CPT1C: variants seen among roughly 807,000 people sequenced by gnomAD.
CPT1C encodes the protein palmitoyl thioesterase CPT1C.
Under a neutral mutation model 97.3 loss-of-function variants are expected in CPT1C, and 61 were observed. That is an observed-to-expected ratio of 0.63 (90% CI 0.51 to 0.78). The LOEUF (loss-of-function observed/expected upper bound fraction) is 0.78, where lower values mean the gene tolerates loss of function less well. CPT1C is among the 30% of genes least tolerant of loss of function. The pLI is 0.00. For synonymous variants in CPT1C, 469 were observed against 447.2 expected, an observed-to-expected ratio of 1.05 and a Z score of -0.61; for missense variants, 975 against 1,065.5, an observed-to-expected ratio of 0.92 and a Z score of 1.18.
chr19:49,705,317 C>T lies in CPT1C; in HGVS notation c.964+19C>T. On this transcript the variant is annotated intron_variant, in intron 10 of 19. Coordinates refer to ENST00000598293, the MANE Select transcript of CPT1C (RefSeq NM_001199753.2). ...CAAAAAGGTGAGACCCTCTCCTGTC[C>T]CCACTGATGGAGGCAGAACAATATA... 1 of 1,564,156 alleles carries T rather than the reference C, an allele frequency of 6.4e-7. No individual in the cohort carries two copies. Among genetic ancestry groups the T allele is most frequent in the Non-Finnish European group, 8.7e-7 (1 of 1,146,322 alleles).
chr19:49,712,713 A>G (rs2083983872), intron 17 of CPT1C, 23 bp from the exon 18 acceptor site: 4 of 1,567,936 alleles, frequency 2.6e-6, no homozygotes, highest in African/African-American at 1.4e-5. Flanking sequence ...TGTCCTGCAC[A>G]TGTGATGGGC....
intron 7 of CPT1C, 98 bp downstream of exon 7, chr19:49,701,732 C>A: frequency 3.7e-6 from 5 of 1,366,946 alleles, no homozygotes; most frequent in Non-Finnish European, 3.9e-6. Context: ...CCACGACACG[C>A]CCACAACCCA....
intron 4 of CPT1C, chr19:49,697,699 G>A: frequency 2.4e-6 from 1 of 424,316 alleles, no homozygotes; most frequent in Non-Finnish European, 4.2e-6. Flanking sequence ...ATCGCTTGAG[G>A]TCAGGAGTTC....
rs372366841 is a variant in CPT1C at position 49,700,840 on chromosome 19, C to T, written c.438C>T (p.Pro146=). Residue 146 remains proline (P), a synonymous_variant, in exon 5 of 20, where the codon CCC becomes CCT. Coordinates refer to ENST00000598293, the MANE Select transcript of CPT1C (RefSeq NM_001199753.2). ...AGCCCCACGGAGCCATGTCCTCCCC[C>T]ACCAAGACCTGGCTGGTATGGGAGG... The part of the protein sequence containing the change: ...LLEPHGAMSS[P]TKTWLALVRI... 1.9e-6 allele frequency: 3 copies of T among 1,612,682 alleles called. No homozygotes were observed. The highest frequency in any genetic ancestry group is 1.3e-5 in the African/African-American group (1 of 74,944).
chr19:49,700,727 C>T lies in CPT1C; in HGVS notation c.325C>T (p.Leu109=), dbSNP rs745313716. ...HGLRGVLAAA[L]FASCLWGALI... ...GCTCCGGGGGGTCCTGGCAGCCGCG[C>T]TGTTTGCCTCGTGTTTGTGGGGAGC... Residue 109 remains leucine, a synonymous_variant, in exon 5 of 20, where the codon CTG becomes TTG. Transcript: ENST00000598293. 1.9e-6 allele frequency: 3 copies of T among 1,612,212 alleles called. No individual in the cohort carries two copies. The highest frequency in any genetic ancestry group is 2.2e-5 in the South Asian group (2 of 91,084).
chr19:49,713,559 G>GC lies in CPT1C; in HGVS notation c.2368dup (p.Gln790ProfsTer36). On this transcript the variant is annotated frameshift_variant, in exon 20 of 20. Transcript: ENST00000598293. LOFTEE classifies it low-confidence loss of function (END_TRUNC). ...AGGCACAGGTGTGGATTTCTCTCCC[G>GC]CCAGACTGGGGCCTCCAAGGCCTCA... 1 of 1,613,872 alleles carries GC rather than the reference G, an allele frequency of 6.2e-7. No homozygotes were observed. The highest frequency in any genetic ancestry group is 8.5e-7 in the Non-Finnish European group (1 of 1,179,888).
At chr19:49,712,410 G>T (rs1568546441) in intron 17 of CPT1C, 1 of 386,838 alleles carries the variant, frequency 2.6e-6, no homozygotes. Context: ...AGTTGTGGGG[G>T]GGCGGCAAGG....
rs1193885627 is a variant in CPT1C, at chr19:49,704,605, A to G, written c.694-105A>G. 8 of 846,234 alleles carry G rather than the reference A, an allele frequency of 9.5e-6. No homozygotes were observed. The East Asian group carries it at 1.6e-4, about 17-fold the overall frequency. 52.4% of individuals were successfully genotyped at this position (846,234 alleles called of 1,614,324 possible). A position where few individuals can be genotyped will look rare whatever the true frequency, so the allele number is the denominator to read the frequency against. ...TACGATGGCTGACTTCTTTGGCTCT[A>G]TCCTCCCTGCCTGACGCAGGAGCAT... is the stretch of plus-strand genomic sequence containing the variant. On this transcript the variant is annotated intron_variant, in intron 7 of 19. Transcript: ENST00000598293.
chr19:49,711,626 G>A (rs2083893143), intron 16 of CPT1C, 183 bp from the exon 17 acceptor site: 1 of 652,220 alleles, frequency 1.5e-6, no homozygotes, highest in Non-Finnish European at 2.6e-6. Flanking sequence ...GCTCTCCCTG[G>A]CTGTGTGAAC....
Position 49,711,833 on chromosome 19 carries a change from C to T in CPT1C, c.1891C>T (p.Arg631Cys), listed in dbSNP as rs539827461. 47 of 1,613,420 alleles carry T rather than the reference C, an allele frequency of 2.9e-5. No homozygotes were observed. Among genetic ancestry groups the T allele is most frequent in the Non-Finnish European group, 3.4e-5 (40 of 1,179,950 alleles). ...KTDPQCLALF[R>C]VAVDKHQALL... ...GGACCCACAGTGCCTCGCCCTGTTC[C>T]GCGTGGCAGTGGACAAGCACCAGGC... The change falls in exon 17 of 20, where the codon CGC becomes TGC. Residue 631 changes from arginine to cysteine, a missense_variant. Transcript: ENST00000598293.
chr19:49,699,420 T>TGGAGACC (rs2082861705), intron 4 of CPT1C, among the ~76,000 whole-genome samples: 3 of 121,800 alleles, frequency 2.5e-5, no homozygotes, highest in African/African-American at 3.3e-5. Context: ...GCTCAGGAGT[T>TGGAGACC]GGAGACCAGC....
chr19:49,705,087 C>T lies in CPT1C; in HGVS notation c.852C>T (p.His284=), dbSNP rs768326297. The change falls in exon 9 of 20, where the codon CAC becomes CAT. Residue 284 remains histidine (H), a synonymous_variant. Coordinates refer to ENST00000598293, the MANE Select transcript of CPT1C (RefSeq NM_001199753.2). Reference sequence around the variant, plus strand: ...TCCATGCCCTCCTCCTGTACCGCCACCGCCTGAACCGCCAGGAGATACCCC... The same window carrying T: ...TCCATGCCCTCCTCCTGTACCGCCATCGCCTGAACCGCCAGGAGATACCCC... ...NAVHALLLYR[H]RLNRQEIPPT... 19 of 1,614,034 alleles carry T rather than the reference C, an allele frequency of 1.2e-5. No individual in the cohort carries two copies. The South Asian group carries it at 2.1e-4, about 18-fold the overall frequency.
In CPT1C at chr19:49,706,331, C is replaced by T; in HGVS notation, c.1261C>T (p.Pro421Ser). 2.6e-6 allele frequency: 4 copies of T among 1,525,546 alleles called. No homozygotes were observed. Among genetic ancestry groups the T allele is most frequent in the Non-Finnish European group, 3.5e-6 (4 of 1,141,138 alleles). The allele number at this position is 1,525,546 out of a possible 1,614,324, so 94.5% of individuals were successfully genotyped here. A position where few individuals can be genotyped will look rare whatever the true frequency, so the allele number is the denominator to read the frequency against. ...AAFFVSLDAE[P>S]AGLTREDPAA... ...TTTCTTTGTGTCACTGGATGCTGAG[C>T]CCGCGGGGCTCACCAGGGAGGACCC... is the stretch of plus-strand genomic sequence containing the variant. The change falls in exon 12 of 20, where the codon CCC (proline) becomes TCC (serine). Residue 421 changes from proline to serine, a missense_variant. Pro to Ser is a moderately conservative substitution (Grantham distance 74). Coordinates refer to ENST00000598293, the MANE Select transcript of CPT1C (RefSeq NM_001199753.2). This position sits in a 1 kb window ranked among gnomAD's most constrained non-coding sequence, Gnocchi z 4.8.
intron 7 of CPT1C, among the ~76,000 whole-genome samples, chr19:49,703,063 T>G (rs1315983329): frequency 1.7e-4 from 19 of 113,634 alleles, no homozygotes; most frequent in Non-Finnish European, 1.9e-5. Flanking sequence ...TTGGACAAGA[T>G]TCTGTTTACA....
At position 49,711,913 on chromosome 19, in the gene CPT1C, G is replaced by A. The variant is rs775780088; in HGVS notation, c.1971G>A (p.Leu657=). 1 of 1,614,204 alleles carries A rather than the reference G, an allele frequency of 6.2e-7. No homozygotes were observed. Among genetic ancestry groups the A allele is most frequent in the South Asian group, 1.1e-5 (1 of 91,088 alleles). ...GQGVDRHLFA[L]YIVSRFLHLQ... The stretch of plus-strand genomic sequence containing the variant: ...GAGTTGACCGCCACCTGTTTGCGCT[G>A]TACATCGTGTCCCGATTCCTCCACC... The change falls in exon 17 of 20, where the codon CTG becomes CTA. Residue 657 remains leucine, a synonymous_variant. Coordinates refer to ENST00000598293, the MANE Select transcript of CPT1C (RefSeq NM_001199753.2).
chr19:49,694,365 TC>T lies in CPT1C; in HGVS notation c.141+1973del, dbSNP rs915678001. 5.0e-4 allele frequency among the ~76,000 whole-genome samples: 76 copies of T among 151,976 alleles called. 1 individual carries two copies. On this transcript the variant is annotated intron_variant, in intron 3 of 19. Coordinates refer to ENST00000598293, the MANE Select transcript of CPT1C (RefSeq NM_001199753.2). ...GGGGTGGCAGGCCAGGTGCGGTGGCTCACGCCTGTAATCCCAGCACTTTGGG... is the reference window on the plus strand; with the variant it reads ...GGGGTGGCAGGCCAGGTGCGGTGGCTACGCCTGTAATCCCAGCACTTTGGG...
chr19:49,704,186 G>A (rs1015024362), intron 7 of CPT1C, among the ~76,000 whole-genome samples: 4 of 151,570 alleles, frequency 2.6e-5, no homozygotes, highest in African/African-American at 9.7e-5. Context: ...TTCTTTTTTG[G>A]GGGGGACGGA....
chr19:49,713,653 GC>G lies in CPT1C; in HGVS notation c.*50del. On this transcript the variant is annotated 3_prime_UTR_variant, in exon 20 of 20. Transcript: ENST00000598293. Reference sequence around the variant, plus strand: ...CTCTCCAAGGAATAAGGGTGAAATTGCCACAGCTGGCTGACACAGGACAGGG... The same window carrying G: ...CTCTCCAAGGAATAAGGGTGAAATTGCACAGCTGGCTGACACAGGACAGGG... 1 of 1,546,354 alleles carries G rather than the reference GC, an allele frequency of 6.5e-7. No individual in the cohort carries two copies. The highest frequency in any genetic ancestry group is 8.8e-7 in the Non-Finnish European group (1 of 1,140,756).
chr19:49,712,660 T>G, intron 17 of CPT1C, 76 bp from the exon 18 acceptor site: 16 of 1,081,808 alleles, frequency 1.5e-5, no homozygotes, highest in South Asian at 7.7e-5. Context: ...AAGCCAGGGA[T>G]GCAGGGAGTG....
Sources: allele counts gnomAD v4.1 joint callset (sites outside exome capture counted in the v4.1 genomes callset), GRCh38; gene constraint gnomAD v4.1.1; non-coding constraint Gnocchi (gnomAD v3.1); transcripts MANE v1.5; gene names NCBI Gene and HGNC (gene_info 2026-07-23, HGNC 2026-07-21).